The following BBX variants were observed in gnomAD, a reference collection of about 807,000 sequenced individuals.
BBX encodes BBX high mobility group box domain containing.
Under a neutral mutation model 100.2 loss-of-function variants are expected in BBX, and 30 were observed. The ratio of observed to expected loss-of-function variants is 0.30; its 90% CI spans 0.22 to 0.41. The LOEUF (loss-of-function observed/expected upper bound fraction) is 0.41. BBX is among the 10% of genes least tolerant of loss of function. The pLI, the probability that BBX is intolerant of heterozygous loss-of-function variation, is 1.00. For synonymous variants in BBX, 376 were observed against 388.1 expected (o/e 0.97, Z 0.37); for missense variants, 1,023 against 1,129.8 (o/e 0.91, Z 1.35).
At chr3:107,728,108 A>G (rs774230233) in intron 5 of BBX, among the ~76,000 whole-genome samples, 5 of 152,162 alleles carry the variant, frequency 3.3e-5, no homozygotes, top group Non-Finnish European at 7.4e-5. Flanking sequence ...TTTGTGATGG[A>G]TTATTGCAAC....
At chr3:107,706,199 T>C (rs965545032) in intron 3 of BBX, among the ~76,000 whole-genome samples, 1 of 152,008 alleles carries the variant, frequency 6.6e-6, no homozygotes, top group Non-Finnish European at 1.5e-5. Flanking sequence ...AATTTTTGTA[T>C]TGTTAGTAGA....
intron 2 of BBX, among the ~76,000 whole-genome samples, chr3:107,573,747 G>A (rs1306966672): frequency 6.6e-6 from 1 of 151,520 alleles, no homozygotes; most frequent in Non-Finnish European, 1.5e-5. Flanking sequence ...TTTTTTTGAG[G>A]TAAGGTTTCG....
chr3:107,655,583 A>G (rs990101142), intron 3 of BBX, among the ~76,000 whole-genome samples: 27 of 145,024 alleles, frequency 1.9e-4, no homozygotes, highest in African/African-American at 6.6e-4. Context: ...CAGTAGTTTC[A>G]TCAGAGCTCA....
chr3:107,653,736 G>C (rs531294631), intron 3 of BBX, among the ~76,000 whole-genome samples: 1 of 152,032 alleles, frequency 6.6e-6, no homozygotes, highest in Admixed American at 6.6e-5. Context: ...TTAGAGTATC[G>C]AACATTACCA....
At chr3:107,590,624 G>A (rs185314062) in intron 2 of BBX, among the ~76,000 whole-genome samples, 141 of 152,050 alleles carry the variant, frequency 9.3e-4, no homozygotes, top group Non-Finnish European at 1.1e-3. Context: ...TCTTACATTC[G>A]TTTTCTGAGT....
chr3:107,639,289 G>T (rs2057051606), intron 2 of BBX, among the ~76,000 whole-genome samples: 1 of 152,172 alleles, frequency 6.6e-6, no homozygotes, highest in Admixed American at 6.5e-5. Context: ...TGGTCTTAAG[G>T]TTTCTCCAGT....
chr3:107,595,680 TG>T (rs2053626058), intron 2 of BBX, among the ~76,000 whole-genome samples: 3 of 152,208 alleles, frequency 2.0e-5, no homozygotes, highest in Admixed American at 1.3e-4. Flanking sequence ...AAGTTTTGTA[TG>T]GAACACGTAT....
intron 2 of BBX, among the ~76,000 whole-genome samples, chr3:107,567,468 A>T (rs2051007038): frequency 6.6e-6 from 1 of 152,094 alleles, no homozygotes; most frequent in African/African-American, 2.4e-5. Flanking sequence ...CACTTGTGGA[A>T]GGTTATTCTT....
chr3:107,538,828 C>T lies in BBX; in HGVS notation c.-84+12430C>T, dbSNP rs1392186544. ...TAGGCAAGGTCTTACTCTGTTGCCC[C>T]AGCTAGGGTGCAGTGGTGTAATCAT... On this transcript the variant is annotated intron_variant, in intron 2 of 17. Coordinates refer to ENST00000325805, the MANE Select transcript of BBX (RefSeq NM_001142568.3). 3.3e-5 allele frequency among the ~76,000 whole-genome samples: 5 copies of T among 151,788 alleles called. No individual in the cohort carries two copies. In the East Asian group the frequency reaches 9.7e-4, roughly 29 times the overall value.
At chr3:107,755,544 C>A in intron 9 of BBX, 54 bp from the exon 10 acceptor site, 1 of 1,503,332 alleles carries the variant, frequency 6.7e-7, no homozygotes, top group Non-Finnish European at 9.3e-7. Context: ...GAATGAGAAG[C>A]AAAGATTCTG....
chr3:107,783,475 T>C (rs1446304529), intron 13 of BBX, among the ~76,000 whole-genome samples: 1 of 152,086 alleles, frequency 6.6e-6, no homozygotes, highest in Non-Finnish European at 1.5e-5. Context: ...AAAATATGTA[T>C]TTCTTTTCTT....
chr3:107,734,385 T>C (rs2063512433), intron 7 of BBX, among the ~76,000 whole-genome samples: 1 of 152,202 alleles, frequency 6.6e-6, no homozygotes, highest in Non-Finnish European at 1.5e-5. Context: ...TGCCTTTGCA[T>C]ATTCATTATT....
At chr3:107,767,357 G>A (rs1363642003) in intron 10 of BBX, among the ~76,000 whole-genome samples, 1 of 152,106 alleles carries the variant, frequency 6.6e-6, no homozygotes, top group African/African-American at 2.4e-5. Flanking sequence ...GGCAGAGGCA[G>A]CTTGTCTTCC....
intron 3 of BBX, among the ~76,000 whole-genome samples, chr3:107,707,594 A>G (rs1201747427): frequency 1.3e-5 from 2 of 152,208 alleles, no homozygotes; most frequent in Middle Eastern, 3.2e-3. Context: ...GCCATTAGCA[A>G]TGTAGAGTCT....
At chr3:107,726,408 CTG>C (rs1210874339) in intron 5 of BBX, among the ~76,000 whole-genome samples, 1 of 151,882 alleles carries the variant, frequency 6.6e-6, no homozygotes, top group Non-Finnish European at 1.5e-5. Flanking sequence ...AGGACAAAGA[CTG>C]TGTGTTATTC....
chr3:107,737,956 A>G (rs1170414155), intron 7 of BBX, among the ~76,000 whole-genome samples: 1 of 135,568 alleles, frequency 7.4e-6, no homozygotes, highest in Non-Finnish European at 1.5e-5. Flanking sequence ...TCCCAAATCC[A>G]AAAAATTGAG....
At chr3:107,613,174 C>G (rs140971064) in intron 2 of BBX, among the ~76,000 whole-genome samples, 1,566 of 150,962 alleles carry the variant, frequency 0.01, 31 homozygotes, top group African/African-American at 0.036. Context: ...CAGGGTAGGT[C>G]AGAAATGGAA....
chr3:107,536,350 TA>T (rs2048490273), intron 2 of BBX, among the ~76,000 whole-genome samples: 1 of 152,222 alleles, frequency 6.6e-6, no homozygotes, highest in African/African-American at 2.4e-5. Flanking sequence ...TATGGAAGAT[TA>T]AAAGTTTGTC....
chr3:107,569,015 T>C (rs377540456), intron 2 of BBX, among the ~76,000 whole-genome samples: 21 of 152,346 alleles, frequency 1.4e-4, no homozygotes, highest in Admixed American at 4.6e-4. Flanking sequence ...GCTTCAATTT[T>C]CTAGCAAAAT....
Sources: allele counts gnomAD v4.1 joint callset (sites outside exome capture counted in the v4.1 genomes callset), GRCh38; gene constraint gnomAD v4.1.1; transcripts MANE v1.5; gene names NCBI Gene and HGNC (gene_info 2026-07-23, HGNC 2026-07-21).